Variants in VTI1A observed in about 807,000 individuals in gnomAD.
VTI1A encodes vesicle transport through interaction with t-SNAREs homolog 1A.
A neutral mutation model predicts 34.9 loss-of-function variants in VTI1A; 22 were observed. The ratio of observed to expected loss-of-function variants is 0.63; its 90% CI spans 0.45 to 0.90. VTI1A has a LOEUF of 0.90. Ranked by LOEUF, VTI1A falls within the 40% of genes least tolerant of loss-of-function variation. The pLI is 0.00. For synonymous variants in VTI1A, 87 were observed against 97.3 expected, an observed-to-expected ratio of 0.89 and a Z score of 0.62; for missense variants, 268 against 275.6, an observed-to-expected ratio of 0.97 and a Z score of 0.20.
At position 112,767,864 on chromosome 10, in the gene VTI1A, C is replaced by T. The variant is rs1851691288; in HGVS notation, c.561-47426C>T. On this transcript the variant is annotated intron_variant, in intron 7 of 7. Coordinates refer to ENST00000393077, the MANE Select transcript of VTI1A (RefSeq NM_145206.4). This position sits in a 1 kb window ranked among gnomAD's most constrained non-coding sequence, Gnocchi z 4.0. ...AAATGTTCTGGGCCCTTCACCTCTT[C>T]CTAGGACCAGTCTTGTCATCAGGCA... Among the ~76,000 whole-genome samples, 1 of 152,212 alleles carries T rather than the reference C, an allele frequency of 6.6e-6. No homozygotes were observed. Among genetic ancestry groups the T allele is most frequent in the Non-Finnish European group, 1.5e-5 (1 of 68,048 alleles).
intron 5 of VTI1A, among the ~76,000 whole-genome samples, chr10:112,549,389 T>A (rs1488841589): frequency 6.6e-6 from 1 of 152,178 alleles, no homozygotes. Context: ...GTAGAGAATG[T>A]TATGTGTCCA....
chr10:112,699,212 C>A (rs1281096452), intron 7 of VTI1A, among the ~76,000 whole-genome samples: 2 of 152,234 alleles, frequency 1.3e-5, no homozygotes, highest in African/African-American at 2.4e-5. Context: ...CTCACTCTAC[C>A]TAGACCTGTC....
At chr10:112,845,260 G>GT in the VTI1A span, among the ~76,000 whole-genome samples, 1 of 152,190 alleles carries the variant, frequency 6.6e-6, no homozygotes, top group Admixed American at 6.5e-5. Flanking sequence ...CTCTGCACAA[G>GT]TTGGGGCAGG....
intron 7 of VTI1A, among the ~76,000 whole-genome samples, chr10:112,714,383 G>A (rs776059875): frequency 6.6e-6 from 1 of 152,094 alleles, no homozygotes; most frequent in Non-Finnish European, 1.5e-5. Flanking sequence ...AAACTTGTTG[G>A]CTTATTGTCA....
chr10:112,475,200 C>G lies in VTI1A; in HGVS notation c.264+10543C>G, dbSNP rs564654740. On this transcript the variant is annotated intron_variant, in intron 3 of 7. Transcript: ENST00000393077. ...ACTCTGGCACTTTCTTCCAATGTGA[C>G]TATTTTTATGATGACAACTTTGGGC... Among the ~76,000 whole-genome samples, 19 of 152,362 alleles carry G rather than the reference C, an allele frequency of 1.2e-4. 1 individual carries two copies. The highest frequency in any genetic ancestry group is 4.3e-4 in the African/African-American group (18 of 41,586).
chr10:112,590,916 C>G (rs1844362775), intron 5 of VTI1A, among the ~76,000 whole-genome samples: 1 of 151,802 alleles, frequency 6.6e-6, no homozygotes, highest in Non-Finnish European at 1.5e-5. Flanking sequence ...GCCTGGCAAA[C>G]ATGGCAAAAT....
At chr10:112,712,353 C>A (rs998586177) in intron 7 of VTI1A, among the ~76,000 whole-genome samples, 9 of 152,146 alleles carry the variant, frequency 5.9e-5, no homozygotes, top group Non-Finnish European at 1.2e-4. Flanking sequence ...GTATGAAAAG[C>A]AAAAGCTGCC....
intron 4 of VTI1A, among the ~76,000 whole-genome samples, chr10:112,537,311 G>GTGTATA (rs1419438697): frequency 1.5e-5 from 1 of 65,222 alleles, no homozygotes; most frequent in Non-Finnish European, 3.6e-5. Context: ...AAGTATCTAG[G>GTGTATA]TATATATATA....
intron 7 of VTI1A, among the ~76,000 whole-genome samples, chr10:112,795,656 C>CT (rs1276100591): frequency 6.6e-6 from 1 of 151,976 alleles, no homozygotes; most frequent in African/African-American, 2.4e-5. Context: ...AGGCTAGTCT[C>CT]TAACTCCTGA....
At chr10:112,592,052 A>G (rs555131298) in intron 5 of VTI1A, among the ~76,000 whole-genome samples, 97 of 152,310 alleles carry the variant, frequency 6.4e-4, no homozygotes, top group Non-Finnish European at 5.9e-5. Context: ...TAGACAGTGT[A>G]AGGGGCCAAG....
At chr10:112,685,815 T>A (rs1848384586) in intron 7 of VTI1A, among the ~76,000 whole-genome samples, 1 of 152,206 alleles carries the variant, frequency 6.6e-6, no homozygotes, top group African/African-American at 2.4e-5. Flanking sequence ...CCTTTGTCTG[T>A]GGACTGTCTT....
rs115623745 is a variant in VTI1A at position 112,591,930 on chromosome 10, G to T, written c.427+53600G>T. ...CCCTTTAAAGCAGAAAACTTTCTGT[G>T]TTGGAGGCAGAAGAGATTCAGCAGA... is the stretch of plus-strand genomic sequence containing the variant. On this transcript the variant is annotated intron_variant, in intron 5 of 7. Coordinates refer to ENST00000393077, the MANE Select transcript of VTI1A (RefSeq NM_145206.4). Among the ~76,000 whole-genome samples the T allele has an allele frequency of 4.0e-3, 602 of 152,300 alleles. 5 individuals are homozygous for T. The highest frequency in any genetic ancestry group is 0.013 in the African/African-American group (554 of 41,548).
intron 5 of VTI1A, among the ~76,000 whole-genome samples, chr10:112,584,909 G>C (rs1844087144): frequency 6.6e-6 from 1 of 152,190 alleles, no homozygotes; most frequent in South Asian, 2.1e-4. Context: ...GTCTTTTGAA[G>C]TAAAATAACC....
intron 7 of VTI1A, among the ~76,000 whole-genome samples, chr10:112,791,215 A>G (rs1852466884): frequency 2.0e-5 from 3 of 152,170 alleles, no homozygotes; most frequent in Non-Finnish European, 2.9e-5. Flanking sequence ...ACTTTCATTT[A>G]TCTCTGTCAT....
At chr10:112,630,439 T>C (rs552009459) in intron 5 of VTI1A, among the ~76,000 whole-genome samples, 1 of 152,356 alleles carries the variant, frequency 6.6e-6, no homozygotes, top group African/African-American at 2.4e-5. Context: ...TTTTCTAGTA[T>C]GGAATCAGGT....
intron 5 of VTI1A, among the ~76,000 whole-genome samples, chr10:112,581,367 A>G (rs1476199098): frequency 2.6e-5 from 4 of 152,158 alleles, no homozygotes; most frequent in African/African-American, 7.2e-5. Flanking sequence ...CGCCTTTTAA[A>G]TTATCTCTGT....
intron 1 of VTI1A, among the ~76,000 whole-genome samples, chr10:112,458,558 T>C (rs1456341728): frequency 2.6e-5 from 4 of 152,154 alleles, no homozygotes; most frequent in Admixed American, 6.5e-5. Flanking sequence ...TCCCCCTCTG[T>C]AGTTTGGGGA....
At chr10:112,797,606 A>G (rs1852716789) in intron 7 of VTI1A, among the ~76,000 whole-genome samples, 1 of 152,214 alleles carries the variant, frequency 6.6e-6, no homozygotes, top group South Asian at 2.1e-4. Flanking sequence ...GAAAACTCAT[A>G]TTCCAAGTAT....
At chr10:112,727,006 A>G (rs1355461480) in intron 7 of VTI1A, among the ~76,000 whole-genome samples, 1 of 152,184 alleles carries the variant, frequency 6.6e-6, no homozygotes, top group Non-Finnish European at 1.5e-5. Context: ...ATTTATAGCA[A>G]TTTGATGTGG....
Sources: gnomAD v4.1 joint callset for allele counts (sites outside exome capture counted in the v4.1 genomes callset) on GRCh38, gnomAD v4.1.1 for gene constraint, Gnocchi (gnomAD v3.1) non-coding constraint, MANE v1.5 for transcripts, NCBI Gene and HGNC (gene_info 2026-07-23, HGNC 2026-07-21) for gene names.